Variants in RAB3C observed in about 807,000 individuals in gnomAD.
RAB3C encodes ras-related protein Rab-3C.
RAB3C carries 17 observed loss-of-function variants against 26.4 expected under a neutral mutation model. The observed-to-expected ratio is 0.64, with a 90% CI of 0.44 to 0.97. The LOEUF is 0.97. Ranked by LOEUF, RAB3C falls within the 50% of genes least tolerant of loss-of-function variation. The probability of loss-of-function intolerance (pLI) is 0.00; values close to 1 mark genes in which losing one functional copy is unlikely to be tolerated. For synonymous variants in RAB3C, 91 were observed against 95.9 expected (o/e 0.95, Z 0.30); for missense variants, 242 against 281.9 (o/e 0.86, Z 1.01).
Position 58,845,612 on chromosome 5 carries a change from A to ATATATATATATATGTGTGTGTG in RAB3C, c.497-5551_497-5550insATATATATATATGTGTGTGTGT. 2.4e-3 allele frequency among the ~76,000 whole-genome samples: 196 copies of ATATATATATATATGTGTGTGTG among 81,640 alleles called. 2 individuals are homozygous for ATATATATATATATGTGTGTGTG. The highest frequency in any genetic ancestry group is 5.1e-3 in the Admixed American group (42 of 8,286). 53.6% of individuals were successfully genotyped at this position (81,640 alleles called of 152,430 possible). A position where few individuals can be genotyped will look rare whatever the true frequency, so the allele number is the denominator to read the frequency against. On this transcript the variant is annotated intron_variant, in intron 4 of 4. Transcript: ENST00000282878. ...ATTCTTACTATATATATATATATAT[A>ATATATATATATATGTGTGTGTG]TGTGTGTGTGTGTGTGTGTATATGT...
rs890601071 is a variant in RAB3C at position 58,622,332 on chromosome 5, T to C, written c.252+4462T>C. On this transcript the variant is annotated intron_variant, in intron 2 of 4. Coordinates refer to ENST00000282878, the MANE Select transcript of RAB3C (RefSeq NM_138453.4). The stretch of plus-strand genomic sequence containing the variant: ...CCTTTGAAAAGAGTGCTCCAGTAAG[T>C]TGTTTACTATCTCTAGAAACTGGCT... Among the ~76,000 whole-genome samples, 3 of 152,136 alleles carry C rather than the reference T, an allele frequency of 2.0e-5. No homozygotes were observed. In the East Asian group the frequency reaches 5.8e-4, roughly 29 times the overall value.
chr5:58,772,438 G>T (rs1226537180), intron 3 of RAB3C, among the ~76,000 whole-genome samples: 1 of 152,150 alleles, frequency 6.6e-6, no homozygotes, highest in Non-Finnish European at 1.5e-5. Flanking sequence ...GAAATAGTCT[G>T]TGTGTTAAGA....
At chr5:58,817,146 G>C (rs1481856352) in intron 3 of RAB3C, 2 of 152,200 alleles carry the variant, frequency 1.3e-5, no homozygotes, top group African/African-American at 4.8e-5. Context: ...TGCAGGGAAG[G>C]ACATAATGAC....
At chr5:58,814,889 G>A (rs1037492781) in intron 3 of RAB3C, 3 of 152,148 alleles carry the variant, frequency 2.0e-5, no homozygotes, top group African/African-American at 7.2e-5. Context: ...TTTAGACTAA[G>A]GGAGAATTGG....
chr5:58,700,677 A>T (rs1364135819), intron 2 of RAB3C, among the ~76,000 whole-genome samples: 1 of 152,194 alleles, frequency 6.6e-6, no homozygotes, highest in African/African-American at 2.4e-5. Flanking sequence ...CATCATCATT[A>T]TTTCCCTGTG....
chr5:58,713,714 C>T (rs951325939), intron 2 of RAB3C, among the ~76,000 whole-genome samples: 1 of 152,030 alleles, frequency 6.6e-6, no homozygotes, highest in South Asian at 2.1e-4. Context: ...CTTTATAAAC[C>T]CTCACCTGAC....
chr5:58,703,872 G>A (rs1047827512), intron 2 of RAB3C, among the ~76,000 whole-genome samples: 3 of 152,154 alleles, frequency 2.0e-5, no homozygotes, highest in Non-Finnish European at 4.4e-5. Context: ...TTGTGTTAAT[G>A]TAAATTCTCC....
intron 2 of RAB3C, among the ~76,000 whole-genome samples, chr5:58,639,085 G>T (rs1271235959): frequency 6.6e-6 from 1 of 152,220 alleles, no homozygotes; most frequent in African/African-American, 2.4e-5. Context: ...GAAGACCAGA[G>T]CCAGGAGATA....
At chr5:58,776,192 C>A (rs951031592) in intron 3 of RAB3C, among the ~76,000 whole-genome samples, 3 of 152,124 alleles carry the variant, frequency 2.0e-5, no homozygotes, top group Admixed American at 6.6e-5. Context: ...GCTTAATAGA[C>A]ATTCTAAGCT....
intron 2 of RAB3C, among the ~76,000 whole-genome samples, chr5:58,693,089 A>C (rs57923321): frequency 0.033 from 4,934 of 150,778 alleles, 255 homozygotes; most frequent in East Asian, 0.25. Context: ...CCTGGGCAAC[A>C]AGAGTGAAAC....
intron 2 of RAB3C, among the ~76,000 whole-genome samples, chr5:58,618,841 T>A (rs1383093586): frequency 6.6e-6 from 1 of 152,154 alleles, no homozygotes; most frequent in African/African-American, 2.4e-5. Context: ...CCAAGAGGTG[T>A]TTTCTAGCTC....
Position 58,726,111 on chromosome 5 carries a change from T to A in RAB3C, c.362T>A (p.Val121Glu). Reference protein sequence around the residue: ...DITNEESFNAVQDWSTQIKTY... With the variant: ...DITNEESFNAEQDWSTQIKTY... ...ACAAATGAAGAATCCTTCAATGCAG[T>A]ACAAGATTGGTAAGTCAGAGCAAAT... is the stretch of plus-strand genomic sequence containing the variant. Residue 121 changes from valine (V) to glutamate (E), a missense_variant, in exon 3 of 5, where the codon GTA becomes GAA. Coordinates refer to ENST00000282878, the MANE Select transcript of RAB3C (RefSeq NM_138453.4). 1 of 1,541,666 alleles carries A rather than the reference T, an allele frequency of 6.5e-7. No individual in the cohort carries two copies. Among genetic ancestry groups the A allele is most frequent in the Non-Finnish European group, 8.9e-7 (1 of 1,122,792 alleles).
At position 58,859,126 on chromosome 5, in the gene RAB3C, C is replaced by T. The variant is rs549791404; in HGVS notation, c.*7775C>T. ...CAGCTTAATGCTTTCATATAGTGACCGACATTTAGTTGAAAACTACTGCTG... is the reference window on the plus strand; with the variant it reads ...CAGCTTAATGCTTTCATATAGTGACTGACATTTAGTTGAAAACTACTGCTG... On this transcript the variant is annotated 3_prime_UTR_variant, in exon 5 of 5. Transcript: ENST00000282878. 13 of 152,266 alleles carry T rather than the reference C, an allele frequency of 8.5e-5. No homozygotes were observed. The highest frequency in any genetic ancestry group is 2.6e-4 in the Admixed American group (4 of 15,280). The allele number at this position is 152,266 out of a possible 1,614,324, so 9.4% of individuals were successfully genotyped here.
rs575109635 is a variant in RAB3C at position 58,676,066 on chromosome 5, G to A, written c.253-49936G>A. On this transcript the variant is annotated intron_variant, in intron 2 of 4. Coordinates refer to ENST00000282878, the MANE Select transcript of RAB3C (RefSeq NM_138453.4). ...CTTTTGCCCTTAGACTCATTTCGAAGAAAAAGTCCCTGTATTTCCCCAAAT... is the reference window on the plus strand; with the variant it reads ...CTTTTGCCCTTAGACTCATTTCGAAAAAAAAGTCCCTGTATTTCCCCAAAT... 1.3e-4 allele frequency among the ~76,000 whole-genome samples: 20 copies of A among 152,168 alleles called. No homozygotes were observed. The South Asian group carries it at 3.5e-3, about 27-fold the overall frequency.
chr5:58,643,933 T>A (rs1460596933), intron 2 of RAB3C, among the ~76,000 whole-genome samples: 1 of 152,158 alleles, frequency 6.6e-6, no homozygotes, highest in East Asian at 1.9e-4. Context: ...GAGATTCTCC[T>A]GCCTCAGCCC....
intron 1 of RAB3C, among the ~76,000 whole-genome samples, chr5:58,593,277 T>C (rs935788186): frequency 9.2e-5 from 14 of 152,140 alleles, no homozygotes; most frequent in Non-Finnish European, 1.6e-4. Context: ...GAAACTTGTT[T>C]CCAAGTGAAG....
Position 58,851,343 on chromosome 5 carries a change from G to C in RAB3C, c.676G>C (p.Ala226Pro), listed in dbSNP as rs374131267. Reference protein sequence around the residue: ...ETPPPPQPNCAC With the variant: ...ETPPPPQPNCPC ...TCCTCCTCCACCGCAGCCCAACTGT[G>C]CCTGCTAGTGTCCCCGTGCACACAG... The change falls in exon 5 of 5, where the codon GCC becomes CCC. Residue 226 changes from alanine to proline, a missense_variant. Ala to Pro is a conservative substitution (Grantham distance 27, BLOSUM62 -1). Coordinates refer to ENST00000282878, the MANE Select transcript of RAB3C (RefSeq NM_138453.4). 4 of 1,596,230 alleles carry C rather than the reference G, an allele frequency of 2.5e-6. No homozygotes were observed. The African/African-American group carries it at 5.4e-5, about 22-fold the overall frequency.
At position 58,856,361 on chromosome 5, in the gene RAB3C, A is replaced by C. The variant is rs1197868942; in HGVS notation, c.*5010A>C. On this transcript the variant is annotated 3_prime_UTR_variant, in exon 5 of 5. Coordinates refer to ENST00000282878, the MANE Select transcript of RAB3C (RefSeq NM_138453.4). ...AGAGCTCGAGTGTTAAGATCAGACCATCTAGCTAGTGGACAAATTGAACTT... is the reference window on the plus strand; with the variant it reads ...AGAGCTCGAGTGTTAAGATCAGACCCTCTAGCTAGTGGACAAATTGAACTT... 1 of 151,732 alleles carries C rather than the reference A, an allele frequency of 6.6e-6. No individual in the cohort carries two copies. The highest frequency in any genetic ancestry group is 2.4e-5 in the African/African-American group (1 of 41,272). The allele number at this position is 151,732 out of a possible 1,614,324, so 9.4% of individuals were successfully genotyped here.
intron 3 of RAB3C, among the ~76,000 whole-genome samples, chr5:58,742,635 C>T (rs1230060283): frequency 2.0e-5 from 3 of 152,150 alleles, no homozygotes; most frequent in African/African-American, 7.2e-5. Flanking sequence ...AAATTATTTC[C>T]TTATCATTCT....
Sources: gnomAD v4.1 joint callset for allele counts (sites outside exome capture counted in the v4.1 genomes callset) on GRCh38, gnomAD v4.1.1 for gene constraint, MANE v1.5 for transcripts, NCBI Gene and HGNC (gene_info 2026-07-23, HGNC 2026-07-21) for gene names.